Variants in RPTOR observed in about 807,000 individuals in gnomAD.
RPTOR encodes the protein regulatory associated protein of MTOR complex 1.
In RPTOR, 21 loss-of-function variants were observed where a neutral mutation model predicts 169.9. The ratio of observed to expected loss-of-function variants is 0.12; its 90% CI spans 0.09 to 0.18. The LOEUF is 0.18. Among genes scored for constraint, RPTOR ranks in the 10% least tolerant of loss-of-function variants. The probability of loss-of-function intolerance (pLI) is 1.00; values close to 1 mark genes in which losing one functional copy is unlikely to be tolerated. For missense variants in RPTOR, 1,133 were observed against 1,855.9 expected, an observed-to-expected ratio of 0.61 and a Z score of 7.16; for synonymous variants, 732 against 753.2, an observed-to-expected ratio of 0.97 and a Z score of 0.46.
intron 22 of RPTOR, among the ~76,000 whole-genome samples, chr17:80,923,276 AC>A (rs2068769425): frequency 6.6e-6 from 1 of 151,994 alleles, no homozygotes; most frequent in African/African-American, 2.4e-5. Flanking sequence ...ATGAGGGACA[AC>A]CCTGCCCCCT....
intron 3 of RPTOR, among the ~76,000 whole-genome samples, chr17:80,675,069 CAG>C (rs1439311933): frequency 6.6e-6 from 1 of 152,176 alleles, no homozygotes; most frequent in Non-Finnish European, 1.5e-5. Flanking sequence ...TCTCAGTTCG[CAG>C]ATTCTTTGTT....
intron 25 of RPTOR, among the ~76,000 whole-genome samples, chr17:80,944,860 G>A (rs574600569): frequency 3.9e-5 from 6 of 152,106 alleles, no homozygotes; most frequent in Non-Finnish European, 5.9e-5. Flanking sequence ...GCGTGGTGGC[G>A]GATGCCTGTA....
chr17:80,837,737 G>A (rs899224510), intron 9 of RPTOR, among the ~76,000 whole-genome samples, 185 bp from the exon 10 acceptor site: 4 of 152,156 alleles, frequency 2.6e-5, no homozygotes, highest in African/African-American at 7.2e-5. Flanking sequence ...GCCTCCCCTC[G>A]GACGTCTTCT....
chr17:80,939,197 G>C (rs535430333), intron 24 of RPTOR, among the ~76,000 whole-genome samples: 1 of 152,192 alleles, frequency 6.6e-6, no homozygotes, highest in Non-Finnish European at 1.5e-5. Flanking sequence ...AGATTGACTG[G>C]ACGGCATGTA....
chr17:80,867,665 T>G (rs943695828), intron 13 of RPTOR, among the ~76,000 whole-genome samples: 2 of 152,222 alleles, frequency 1.3e-5, no homozygotes, highest in African/African-American at 4.8e-5. Flanking sequence ...AAAAATTTAG[T>G]AAGTTTGCAG....
chr17:80,943,373 A>G (rs938022739), intron 25 of RPTOR, among the ~76,000 whole-genome samples: 1 of 152,216 alleles, frequency 6.6e-6, no homozygotes. Context: ...ACCATGAAAA[A>G]TTAGGCTCCC....
At chr17:80,770,910 G>T (rs1207394619) in intron 6 of RPTOR, among the ~76,000 whole-genome samples, 1 of 152,172 alleles carries the variant, frequency 6.6e-6, no homozygotes, top group African/African-American at 2.4e-5. Flanking sequence ...TCTGGTTTGC[G>T]CTGCTGTCAC....
intron 2 of RPTOR, among the ~76,000 whole-genome samples, chr17:80,636,133 T>C (rs2065504248): frequency 6.6e-6 from 1 of 152,126 alleles, no homozygotes; most frequent in South Asian, 2.1e-4. Flanking sequence ...TGGGCCTCAG[T>C]TTCCTCATCT....
Position 80,609,747 on chromosome 17 carries a change from A to G in RPTOR, c.163-15944A>G, listed in dbSNP as rs2065256649. ...GCGACAGAGCGAGATTCTGTCTCAA[A>G]AAAAAAAAAAAGTTTAAGGTGTTGG... On this transcript the variant is annotated intron_variant, in intron 1 of 33. Coordinates refer to ENST00000306801, the MANE Select transcript of RPTOR (RefSeq NM_020761.3). This position sits in a 1 kb window ranked among gnomAD's most constrained non-coding sequence, Gnocchi z 4.8. Among the ~76,000 whole-genome samples the G allele has an allele frequency of 6.6e-6, 1 of 151,000 alleles. No individual in the cohort carries two copies. The highest frequency in any genetic ancestry group is 6.6e-5 in the Admixed American group (1 of 15,130).
At chr17:80,776,570 C>T (rs1042924610) in intron 6 of RPTOR, among the ~76,000 whole-genome samples, 11 of 152,010 alleles carry the variant, frequency 7.2e-5, no homozygotes, top group African/African-American at 1.5e-4. Flanking sequence ...GTGATCCGTC[C>T]GCCTCGGCCT....
chr17:80,716,066 C>T (rs759346704), intron 4 of RPTOR, among the ~76,000 whole-genome samples: 3 of 152,174 alleles, frequency 2.0e-5, no homozygotes, highest in Non-Finnish European at 4.4e-5. Context: ...GACTTATTTT[C>T]CTCTGGGTAA....
In RPTOR at chr17:80,739,816, T is replaced by C. The variant is rs139510986; in HGVS notation, c.654+9110T>C. ...AGATAAATCAGTATTGAAAGAGAAA[T>C]TTATAGCACTAAAATCTTATGTTAG... On this transcript the variant is annotated intron_variant, in intron 5 of 33. Coordinates refer to ENST00000306801, the MANE Select transcript of RPTOR (RefSeq NM_020761.3). Among the ~76,000 whole-genome samples the C allele has an allele frequency of 4.8e-3, 730 of 152,152 alleles. 7 individuals carry two copies. Among genetic ancestry groups the C allele is most frequent in the African/African-American group, 0.016 (680 of 41,494 alleles).
intron 4 of RPTOR, among the ~76,000 whole-genome samples, chr17:80,728,446 GGTGT>G (rs71367012): frequency 2.0e-5 from 3 of 148,162 alleles, no homozygotes; most frequent in Non-Finnish European, 3.0e-5. Flanking sequence ...TCCACTCTGG[GGTGT>G]GTGTGTGTGT....
intron 1 of RPTOR, among the ~76,000 whole-genome samples, chr17:80,566,431 A>G (rs1173974583): frequency 6.6e-6 from 1 of 152,182 alleles, no homozygotes; most frequent in Non-Finnish European, 1.5e-5. Flanking sequence ...AAAAAGGTAT[A>G]TGTACACATA....
At chr17:80,561,482 G>A (rs955161696) in intron 1 of RPTOR, among the ~76,000 whole-genome samples, 3 of 151,530 alleles carry the variant, frequency 2.0e-5, no homozygotes, top group Admixed American at 6.6e-5. Flanking sequence ...TGAGGCTGGA[G>A]TGCAGTGGCA....
At chr17:80,841,457 TCACCACACGGCAGCTCA>T (rs1307147439) in intron 10 of RPTOR, among the ~76,000 whole-genome samples, 5 of 102,236 alleles carry the variant, frequency 4.9e-5, no homozygotes, top group East Asian at 3.3e-4. Context: ...CAGCTCACTC[TCACCACACGGCAGCTCA>T]CACCACACGG....
intron 24 of RPTOR, among the ~76,000 whole-genome samples, chr17:80,937,108 C>T (rs1011694202): frequency 2.0e-5 from 3 of 152,202 alleles, no homozygotes; most frequent in African/African-American, 7.2e-5. Context: ...GGGAAAAGCA[C>T]ATCACAGAGG....
At chr17:80,578,215 T>C (rs1160418768) in intron 1 of RPTOR, among the ~76,000 whole-genome samples, 1 of 151,894 alleles carries the variant, frequency 6.6e-6, no homozygotes, top group Non-Finnish European at 1.5e-5. Context: ...AGTGAGTGGT[T>C]GGGGGGGTGG....
At chr17:80,725,952 A>T (rs1213757898) in intron 4 of RPTOR, among the ~76,000 whole-genome samples, 7 of 152,198 alleles carry the variant, frequency 4.6e-5, no homozygotes, top group Non-Finnish European at 8.8e-5. Context: ...GGACACTGGG[A>T]CATTTGGCAA....
Sources: gnomAD v4.1 joint callset for allele counts (sites outside exome capture counted in the v4.1 genomes callset) on GRCh38, gnomAD v4.1.1 for gene constraint, Gnocchi (gnomAD v3.1) non-coding constraint, MANE v1.5 for transcripts, NCBI Gene and HGNC (gene_info 2026-07-23, HGNC 2026-07-21) for gene names.